Variants in RUNDC3B observed in about 807,000 individuals in gnomAD.
RUNDC3B encodes RUN domain-containing protein 3B.
Under a neutral mutation model 58.4 loss-of-function variants are expected in RUNDC3B, and 33 were observed. The observed-to-expected ratio is 0.56, with a 90% CI of 0.43 to 0.75. The LOEUF (loss-of-function observed/expected upper bound fraction) is 0.75. RUNDC3B is among the 30% of genes least tolerant of loss of function. RUNDC3B has a pLI of 0.00. For missense variants in RUNDC3B, 501 were observed against 535.7 expected, an observed-to-expected ratio of 0.94 and a Z score of 0.64; for synonymous variants, 193 against 195.2, an observed-to-expected ratio of 0.99 and a Z score of 0.10.
At chr7:87,761,053 G>A (rs1833649378) in intron 6 of RUNDC3B, among the ~76,000 whole-genome samples, 2 of 151,928 alleles carry the variant, frequency 1.3e-5, no homozygotes, top group African/African-American at 4.8e-5. Flanking sequence ...CAAAGACTGG[G>A]AGAAAATTTT....
intron 2 of RUNDC3B, among the ~76,000 whole-genome samples, chr7:87,686,848 G>C (rs571509059): frequency 6.6e-6 from 1 of 151,404 alleles, no homozygotes; most frequent in South Asian, 2.1e-4. Flanking sequence ...GGGAGGCTAA[G>C]GTGGGAGGGT....
chr7:87,707,785 G>T (rs989171620), intron 3 of RUNDC3B, among the ~76,000 whole-genome samples: 2 of 152,208 alleles, frequency 1.3e-5, no homozygotes, highest in South Asian at 4.1e-4. Context: ...CTGAGCCATA[G>T]TTTATCTCAG....
At chr7:87,793,967 TAAAC>T (rs1285094674) in intron 8 of RUNDC3B, among the ~76,000 whole-genome samples, 2 of 152,144 alleles carry the variant, frequency 1.3e-5, no homozygotes, top group Non-Finnish European at 2.9e-5. Flanking sequence ...TTAAAACTGA[TAAAC>T]AAATTCAGTA....
intron 4 of RUNDC3B, among the ~76,000 whole-genome samples, chr7:87,731,925 G>C (rs1831600161): frequency 6.6e-6 from 1 of 152,174 alleles, no homozygotes; most frequent in Non-Finnish European, 1.5e-5. Flanking sequence ...GGACCTAATA[G>C]ATGTTGCACA....
rs148958663 is a variant in RUNDC3B, at chr7:87,763,835, T to C, written c.630-6746T>C. On this transcript the variant is annotated intron_variant, in intron 6 of 10. Coordinates refer to ENST00000394654, the MANE Select transcript of RUNDC3B (RefSeq NM_001134405.2). ...TTTTCTAGATCCCTGACTAAGAACA[T>C]CTTGTTGGTCAGACTTTTCTTTTGG... Among the ~76,000 whole-genome samples the C allele has an allele frequency of 3.2e-4, 48 of 151,926 alleles. No homozygotes were observed. In the East Asian group the frequency reaches 8.9e-3, roughly 28 times the overall value.
At chr7:87,665,741 T>G (rs1825164073) in intron 2 of RUNDC3B, among the ~76,000 whole-genome samples, 1 of 152,062 alleles carries the variant, frequency 6.6e-6, no homozygotes, top group Admixed American at 6.6e-5. Context: ...CATCCTTCTT[T>G]CCATGTGTAG....
intron 2 of RUNDC3B, among the ~76,000 whole-genome samples, chr7:87,699,789 T>C (rs867536162): frequency 3.9e-5 from 6 of 152,256 alleles, no homozygotes; most frequent in East Asian, 1.9e-4. Context: ...ATCTGAAAGA[T>C]TACAAGTTTT....
At chr7:87,681,414 T>A (rs1826915230) in intron 2 of RUNDC3B, among the ~76,000 whole-genome samples, 1 of 150,666 alleles carries the variant, frequency 6.6e-6, no homozygotes, top group African/African-American at 2.5e-5. Flanking sequence ...CTTGTTCAGT[T>A]CAAGACTAAT....
chr7:87,789,717 C>G (rs1239116509), intron 8 of RUNDC3B, among the ~76,000 whole-genome samples: 1 of 152,136 alleles, frequency 6.6e-6, no homozygotes, highest in Non-Finnish European at 1.5e-5. Context: ...AAACCATGTT[C>G]TATTGCACTT....
chr7:87,641,091 G>A (rs1018311328), intron 1 of RUNDC3B, among the ~76,000 whole-genome samples: 3 of 151,998 alleles, frequency 2.0e-5, no homozygotes, highest in African/African-American at 7.3e-5. Context: ...CATCTAGAAT[G>A]TTATTGAATG....
intron 2 of RUNDC3B, among the ~76,000 whole-genome samples, chr7:87,684,879 A>G (rs1585096611): frequency 6.6e-6 from 1 of 152,144 alleles, no homozygotes; most frequent in East Asian, 1.9e-4. Flanking sequence ...CTTTAAGAAT[A>G]ATAGGCTAGG....
intron 8 of RUNDC3B, among the ~76,000 whole-genome samples, chr7:87,796,866 G>A (rs1835849169): frequency 1.3e-5 from 2 of 152,182 alleles, no homozygotes. Context: ...AAATGTATCA[G>A]TAAGGATATA....
chr7:87,647,898 T>G (rs1823175653), intron 1 of RUNDC3B, among the ~76,000 whole-genome samples: 2 of 151,840 alleles, frequency 1.3e-5, no homozygotes, highest in Admixed American at 1.3e-4. Flanking sequence ...AAATGGAAAA[T>G]GATAGGCCAG....
chr7:87,759,796 A>G (rs578078730), intron 6 of RUNDC3B, among the ~76,000 whole-genome samples: 8 of 151,208 alleles, frequency 5.3e-5, no homozygotes, highest in Non-Finnish European at 1.2e-4. Flanking sequence ...CCTGTATCAA[A>G]AAAAAAAAAA....
intron 6 of RUNDC3B, among the ~76,000 whole-genome samples, chr7:87,748,930 G>A (rs1280783091): frequency 2.0e-5 from 3 of 152,188 alleles, no homozygotes; most frequent in Non-Finnish European, 2.9e-5. Flanking sequence ...GCAGGATGAT[G>A]TTTTGAGCAG....
At chr7:87,702,377 C>CA (rs1347304686) in intron 3 of RUNDC3B, among the ~76,000 whole-genome samples, 1 of 151,864 alleles carries the variant, frequency 6.6e-6, no homozygotes, top group South Asian at 2.1e-4. Context: ...CCCCTAGGCT[C>CA]AAGTGATCCT....
In RUNDC3B at chr7:87,694,112, T is replaced by A. The variant is rs1008049250; in HGVS notation, c.239-6309T>A. The A allele has an allele frequency of 2.8e-4, 224 of 802,538 alleles. No homozygotes were observed. The African/African-American group carries it at 3.5e-3, about 12-fold the overall frequency. 49.7% of individuals were successfully genotyped at this position (802,538 alleles called of 1,614,324 possible). A position where few individuals can be genotyped will look rare whatever the true frequency, so the allele number is the denominator to read the frequency against. On this transcript the variant is annotated intron_variant, in intron 2 of 10. Coordinates refer to ENST00000394654, the MANE Select transcript of RUNDC3B (RefSeq NM_001134405.2). ...TTTGTGTGTTTTTGTTTTTTTTTTTTAATCCAGAGAGCACAAGTATGCTTA... is the reference window on the plus strand; with the variant it reads ...TTTGTGTGTTTTTGTTTTTTTTTTTAAATCCAGAGAGCACAAGTATGCTTA...
chr7:87,683,040 C>T (rs969626686), intron 2 of RUNDC3B, among the ~76,000 whole-genome samples: 4 of 152,210 alleles, frequency 2.6e-5, no homozygotes, highest in African/African-American at 9.7e-5. Context: ...CTTGCTGCTT[C>T]ACCTTTTTGT....
intron 2 of RUNDC3B, among the ~76,000 whole-genome samples, chr7:87,689,076 T>G (rs112008256): frequency 2.9e-4 from 44 of 152,158 alleles, no homozygotes; most frequent in African/African-American, 9.6e-4. Flanking sequence ...ATAAAATGAT[T>G]CAAAATTTAG....
Sources: allele counts gnomAD v4.1 joint callset (sites outside exome capture counted in the v4.1 genomes callset), GRCh38; gene constraint gnomAD v4.1.1; transcripts MANE v1.5; gene names NCBI Gene and HGNC (gene_info 2026-07-23, HGNC 2026-07-21).